CUBN: variants seen among roughly 807,000 people sequenced by gnomAD.
CUBN encodes the protein cubilin.
Under a neutral mutation model 405.3 loss-of-function variants are expected in CUBN, and 282 were observed. The observed-to-expected ratio is 0.70, with a 90% confidence interval of 0.63 to 0.77. The LOEUF is 0.77. CUBN is among the 30% of genes least tolerant of loss of function. The pLI is 0.00. For synonymous variants in CUBN, 1,684 were observed against 1,617.0 expected (o/e 1.04, Z -0.99); for missense variants, 4,514 against 4,475.2 (o/e 1.01, Z -0.25).
rs1842185135 is a variant in CUBN at position 16,926,220 on chromosome 10, T to TA, written c.6272-447dup. Among the ~76,000 whole-genome samples, 25 of 152,230 alleles carry TA rather than the reference T, an allele frequency of 1.6e-4. No individual in the cohort carries two copies. The South Asian group carries it at 4.8e-3, about 29-fold the overall frequency. On this transcript the variant is annotated intron_variant, in intron 41 of 66. Coordinates refer to ENST00000377833, the MANE Select transcript of CUBN (RefSeq NM_001081.4). ...GAAATGAAGGATCAAGCCAGATAGTTATGGGGGAGAAAACATTCCAGTTCA... is the reference window on the plus strand; with the variant it reads ...GAAATGAAGGATCAAGCCAGATAGTTAATGGGGGAGAAAACATTCCAGTTCA...
At chr10:17,061,787 C>T (rs1200389519) in intron 22 of CUBN, among the ~76,000 whole-genome samples, 1 of 152,274 alleles carries the variant, frequency 6.6e-6, no homozygotes, top group Non-Finnish European at 1.5e-5. Flanking sequence ...AAATCCACCA[C>T]AGTTTGATGA....
chr10:17,035,754 A>G (rs1834882229), intron 27 of CUBN, among the ~76,000 whole-genome samples: 1 of 152,150 alleles, frequency 6.6e-6, no homozygotes, highest in Admixed American at 6.5e-5. Context: ...CAAGTACTGC[A>G]TGTTCTCACT....
chr10:16,989,706 G>T (rs1375277554), intron 29 of CUBN, among the ~76,000 whole-genome samples: 1 of 152,062 alleles, frequency 6.6e-6, no homozygotes, highest in East Asian at 1.9e-4. Flanking sequence ...CACACCCTTC[G>T]CAGAAGTGCT....
Position 16,877,074 on chromosome 10 carries a change from A to T in CUBN, c.8929T>A (p.Cys2977Ser), listed in dbSNP as rs1279934712. The change falls in exon 57 of 67, where the codon TGT (cysteine) becomes AGT (serine). Residue 2977 changes from cysteine (C) to serine (S), a missense_variant. Coordinates refer to ENST00000377833, the MANE Select transcript of CUBN (RefSeq NM_001081.4). ...LEARSAVTGSCVNDGVHIIRG... is the reference protein window; with the variant it reads ...LEARSAVTGSSVNDGVHIIRG... ...ATAATGTGCACGCCATCGTTGACAC[A>T]GCTTCCCGTCACAGCGGAACGAGCT... 6.2e-7 allele frequency: 1 copy of T among 1,614,042 alleles called. No homozygotes were observed. Among genetic ancestry groups the T allele is most frequent in the Non-Finnish European group, 8.5e-7 (1 of 1,179,972 alleles).
At position 16,990,485 on chromosome 10, in the gene CUBN, C is replaced by A. The variant is rs1415181825; in HGVS notation, c.4199G>T (p.Gly1400Val). ...GCGGELSGATGSFSSPGFPNR... is the reference protein window; with the variant it reads ...GCGGELSGATVSFSSPGFPNR... ...GGGGAACCCGGGGCTGCTGAAGGAG[C>A]CTGTGGCCCCAGACAGCTCTCCACC... Residue 1400 changes from glycine to valine, a missense_variant, in exon 29 of 67, where the codon GGC becomes GTC. Around this residue, in one of 5 missense-constraint regions of CUBN, gnomAD observed 1,613 missense variants for 1,542.8 expected, o/e 1.05. Coordinates refer to ENST00000377833, the MANE Select transcript of CUBN (RefSeq NM_001081.4). 6.2e-7 allele frequency: 1 copy of A among 1,614,156 alleles called. No homozygotes were observed. The highest frequency in any genetic ancestry group is 1.3e-5 in the African/African-American group (1 of 75,028).
chr10:16,930,973 T>C (rs1358143450), intron 40 of CUBN, among the ~76,000 whole-genome samples: 1 of 151,952 alleles, frequency 6.6e-6, no homozygotes, highest in Admixed American at 6.6e-5. Flanking sequence ...AATTTAGTCA[T>C]AGGCCAGGTG....
chr10:16,901,936 CCATATATAGTATATATATAT>C (rs1841394769), intron 51 of CUBN, among the ~76,000 whole-genome samples: 1 of 122,330 alleles, frequency 8.2e-6, no homozygotes, highest in Non-Finnish European at 1.7e-5. Flanking sequence ...CACACACACA[CCATATATAGTATATATATAT>C]ATACACCATA....
chr10:16,859,725 G>T (rs1210243926), intron 59 of CUBN, among the ~76,000 whole-genome samples: 1 of 152,146 alleles, frequency 6.6e-6, no homozygotes, highest in Non-Finnish European at 1.5e-5. Context: ...ACATAAAAGA[G>T]AGGTCTTCCA....
intron 54 of CUBN, 89 bp from the exon 55 acceptor site, chr10:16,890,616 C>A: frequency 8.1e-7 from 1 of 1,239,492 alleles, no homozygotes; most frequent in African/African-American, 1.5e-5. Flanking sequence ...GGCACTCACA[C>A]GTATACAGAA....
At chr10:16,872,217 G>A (rs1251701284) in intron 58 of CUBN, among the ~76,000 whole-genome samples, 2 of 152,036 alleles carry the variant, frequency 1.3e-5, no homozygotes, top group Admixed American at 1.3e-4. Flanking sequence ...TCCAGCCTGG[G>A]CGACAGAGTG....
chr10:17,065,136 C>CA (rs949512750), intron 22 of CUBN, among the ~76,000 whole-genome samples: 2 of 141,300 alleles, frequency 1.4e-5, no homozygotes, highest in African/African-American at 5.7e-5. Flanking sequence ...CTCTCCCCCC[C>CA]CCCCCACACA....
intron 28 of CUBN, among the ~76,000 whole-genome samples, chr10:17,000,967 T>A (rs1833861718): frequency 1.3e-5 from 2 of 152,336 alleles, no homozygotes; most frequent in African/African-American, 4.8e-5. Context: ...TTACAGTTCT[T>A]AAAGATGGTG....
intron 56 of CUBN, among the ~76,000 whole-genome samples, chr10:16,877,852 G>T (rs188854652): frequency 6.6e-6 from 1 of 152,266 alleles, no homozygotes; most frequent in African/African-American, 2.4e-5. Context: ...ATTTTTGTAG[G>T]TGAACACATA....
intron 37 of CUBN, 42 bp from the exon 38 acceptor site, chr10:16,939,189 T>C (rs778748236): frequency 6.7e-7 from 1 of 1,492,600 alleles, no homozygotes; most frequent in South Asian, 1.1e-5. Context: ...CCACTTAGAA[T>C]TGCTCTTTAA....
In CUBN at chr10:16,990,443, T is replaced by C. The variant is rs1229893653; in HGVS notation, c.4241A>G (p.Asn1414Ser). 19 of 1,614,068 alleles carry C rather than the reference T, an allele frequency of 1.2e-5. No homozygotes were observed. The highest frequency in any genetic ancestry group is 1.5e-5 in the Non-Finnish European group (18 of 1,180,034). The part of the protein sequence containing the change: ...SPGFPNRYPP[N>S]KECIWYIRTD... Reference sequence around the variant, plus strand: ...CCTAATGTACCAGATACACTCCTTGTTTGGTGGATACCTGTTGGGGAACCC... The same window carrying C: ...CCTAATGTACCAGATACACTCCTTGCTTGGTGGATACCTGTTGGGGAACCC... Residue 1414 changes from asparagine (N) to serine (S), a missense_variant, in exon 29 of 67, where the codon AAC (asparagine) becomes AGC (serine). Asn to Ser is a conservative substitution (Grantham distance 46). Around this residue, in one of 5 missense-constraint regions of CUBN, gnomAD observed 1,613 missense variants for 1,542.8 expected, o/e 1.05. Transcript: ENST00000377833.
chr10:17,045,284 T>C, intron 24 of CUBN, 96 bp from the exon 25 acceptor site: 1 of 1,154,598 alleles, frequency 8.7e-7, no homozygotes, highest in Non-Finnish European at 1.3e-6. Context: ...CTACTATCCT[T>C]TAAATCAAAT....
intron 28 of CUBN, among the ~76,000 whole-genome samples, 159 bp from the exon 29 acceptor site, chr10:16,990,674 CAAT>C (rs1833559434): frequency 6.6e-6 from 1 of 152,054 alleles, no homozygotes; most frequent in Non-Finnish European, 1.5e-5. Context: ...AGTTATAAAA[CAAT>C]GAGAAAAAAA....
At chr10:16,942,323 G>A (rs1842673362) in intron 36 of CUBN, among the ~76,000 whole-genome samples, 1 of 151,914 alleles carries the variant, frequency 6.6e-6, no homozygotes. Context: ...TATACCCAAA[G>A]AAAATAAAAA....
At chr10:16,955,452 T>C (rs1489306770) in intron 31 of CUBN, among the ~76,000 whole-genome samples, 1 of 150,336 alleles carries the variant, frequency 6.7e-6, no homozygotes, top group African/African-American at 2.4e-5. Flanking sequence ...CTGTCTTGCC[T>C]AGTGCCATGC....
Sources: gnomAD v4.1 joint callset for allele counts (sites outside exome capture counted in the v4.1 genomes callset) on GRCh38, gnomAD v4.1.1 for gene constraint, gnomAD v4.1.1 regional missense constraint, MANE v1.5 for transcripts, NCBI Gene and HGNC (gene_info 2026-07-23, HGNC 2026-07-21) for gene names.